NRXN1: variants seen among roughly 807,000 people sequenced by gnomAD.
NRXN1 encodes the protein neurexin-1.
A neutral mutation model predicts 150.9 loss-of-function variants in NRXN1; 39 were observed. That is an observed-to-expected ratio of 0.26 (90% CI 0.20 to 0.34). NRXN1 has a LOEUF of 0.34. Ranked by LOEUF, NRXN1 falls within the 10% of genes least tolerant of loss-of-function variation. The pLI, the probability that NRXN1 is intolerant of heterozygous loss-of-function variation, is 1.00. For missense variants in NRXN1, 1,815 were observed against 1,949.9 expected, an observed-to-expected ratio of 0.93 and a Z score of 1.30; for synonymous variants, 924 against 757.0, an observed-to-expected ratio of 1.22 and a Z score of -3.62.
chr2:49,926,275 T>C (rs1437412502), intron 22 of NRXN1: 4 of 398,240 alleles, frequency 1.0e-5, no homozygotes, highest in East Asian at 7.1e-5. Context: ...CTTGCACTTA[T>C]AAAGCATGTT....
chr2:50,858,166 A>C (rs962178882), intron 5 of NRXN1, among the ~76,000 whole-genome samples: 1 of 152,066 alleles, frequency 6.6e-6, no homozygotes, highest in African/African-American at 2.4e-5. Flanking sequence ...AAATCTCAAC[A>C]GGCTGGTTGA....
intron 11 of NRXN1, among the ~76,000 whole-genome samples, chr2:50,529,440 T>C (rs1158386536): frequency 1.3e-5 from 2 of 152,234 alleles, no homozygotes; most frequent in African/African-American, 4.8e-5. Flanking sequence ...GTAGCTACTA[T>C]AAGAACAGAA....
intron 5 of NRXN1, among the ~76,000 whole-genome samples, chr2:50,774,362 G>C (rs1023319055): frequency 2.0e-5 from 3 of 152,042 alleles, no homozygotes; most frequent in African/African-American, 7.2e-5. Context: ...GTTGATTTGA[G>C]GGCATTTAGT....
chr2:51,008,725 A>G (rs983198732), intron 2 of NRXN1, among the ~76,000 whole-genome samples: 1 of 151,582 alleles, frequency 6.6e-6, no homozygotes, highest in Non-Finnish European at 1.5e-5. Flanking sequence ...AGCTCTTTGT[A>G]AATATATATA....
intron 5 of NRXN1, among the ~76,000 whole-genome samples, chr2:50,891,181 T>C (rs765645034): frequency 2.0e-5 from 3 of 152,034 alleles, no homozygotes; most frequent in Non-Finnish European, 4.4e-5. Flanking sequence ...TATGCTTCTG[T>C]CTTTCAATAG....
intron 5 of NRXN1, among the ~76,000 whole-genome samples, chr2:50,904,663 C>T (rs1218028263): frequency 2.0e-5 from 3 of 152,068 alleles, no homozygotes; most frequent in Admixed American, 6.6e-5. Context: ...AATGATCAGA[C>T]CTTTCTTTTT....
intron 2 of NRXN1, chr2:51,026,302 G>T: frequency 2.0e-6 from 2 of 996,126 alleles, no homozygotes; most frequent in Non-Finnish European, 3.1e-6. Flanking sequence ...TGACCCATAA[G>T]CTATCTACTT....
intron 2 of NRXN1, among the ~76,000 whole-genome samples, chr2:50,937,614 T>C (rs1351750006): frequency 2.6e-5 from 4 of 152,128 alleles, no homozygotes; most frequent in Non-Finnish European, 5.9e-5. Context: ...ATTTCCAAAC[T>C]TTCTCCATCG....
chr2:50,383,321 C>T (rs1234651897), intron 17 of NRXN1, among the ~76,000 whole-genome samples: 7 of 152,016 alleles, frequency 4.6e-5, no homozygotes, highest in Non-Finnish European at 4.4e-5. Flanking sequence ...TCAGATTCAC[C>T]ATCATCAGTT....
chr2:50,533,542 C>T (rs1335617448), intron 10 of NRXN1, among the ~76,000 whole-genome samples: 1 of 152,126 alleles, frequency 6.6e-6, no homozygotes, highest in Non-Finnish European at 1.5e-5. Context: ...AATTCCAATC[C>T]ACATTCTGAA....
At chr2:50,603,606 A>C (rs1676623103) in intron 8 of NRXN1, among the ~76,000 whole-genome samples, 1 of 152,164 alleles carries the variant, frequency 6.6e-6, no homozygotes, top group Non-Finnish European at 1.5e-5. Flanking sequence ...GGAATAACTA[A>C]GGTCACTTAG....
In NRXN1 at chr2:50,745,587, C is replaced by A. The variant is rs142981411; in HGVS notation, c.833-121972G>T. Among the ~76,000 whole-genome samples, 668 of 152,104 alleles carry A rather than the reference C, an allele frequency of 4.4e-3. 5 individuals are homozygous for A. The highest frequency in any genetic ancestry group is 0.015 in the African/African-American group (641 of 41,486). On this transcript the variant is annotated intron_variant, in intron 5 of 22. Transcript: ENST00000401669. ...CCCATGCTGCTGATAAAGACATAAG[C>A]AAGACTGGGTAATTTATAAAGGAAA... is the stretch of plus-strand genomic sequence containing the variant.
intron 21 of NRXN1, among the ~76,000 whole-genome samples, chr2:49,958,788 G>A (rs1186056345): frequency 3.9e-5 from 6 of 152,156 alleles, no homozygotes; most frequent in Non-Finnish European, 8.8e-5. Context: ...TTTAGTCTAT[G>A]AAAGCTCAAT....
At chr2:50,334,047 C>T (rs1308543807) in intron 17 of NRXN1, among the ~76,000 whole-genome samples, 2 of 151,332 alleles carry the variant, frequency 1.3e-5, no homozygotes, top group Non-Finnish European at 2.9e-5. Context: ...AGCTTTTTGC[C>T]TGTGTGTGTG....
chr2:50,497,774 G>A, intron 13 of NRXN1, 60 bp from the exon 14 acceptor site: 2 of 1,476,758 alleles, frequency 1.4e-6, no homozygotes, highest in Non-Finnish European at 1.8e-6. Context: ...TCAACTTTAG[G>A]CTTTCATAAC....
chr2:50,567,350 C>G lies in NRXN1; in HGVS notation c.1321-14325G>C, dbSNP rs536254746. On this transcript the variant is annotated intron_variant, in intron 8 of 22. Coordinates refer to ENST00000401669, the MANE Select transcript of NRXN1 (RefSeq NM_001330078.2). Reference sequence around the variant, plus strand: ...CAATAAGAGAAGAGAGATGTACTAACCACACGTAGACTGGGACCATTTTTT... The same window carrying G: ...CAATAAGAGAAGAGAGATGTACTAAGCACACGTAGACTGGGACCATTTTTT... 3.3e-5 allele frequency among the ~76,000 whole-genome samples: 5 copies of G among 152,176 alleles called. No homozygotes were observed. In the East Asian group the frequency reaches 7.7e-4, roughly 24 times the overall value.
At chr2:50,475,428 G>C (rs376472648) in intron 15 of NRXN1, among the ~76,000 whole-genome samples, 45 of 151,992 alleles carry the variant, frequency 3.0e-4, no homozygotes, top group African/African-American at 1.1e-3. Flanking sequence ...CAACACATGA[G>C]GAGAGTGCTA....
intron 2 of NRXN1, among the ~76,000 whole-genome samples, chr2:50,983,217 A>G (rs1697123037): frequency 6.6e-6 from 1 of 152,050 alleles, no homozygotes; most frequent in South Asian, 2.1e-4. Flanking sequence ...TCTTAATTGT[A>G]TATCTCTAAG....
At chr2:50,376,968 T>C (rs1313056272) in intron 17 of NRXN1, among the ~76,000 whole-genome samples, 1 of 152,028 alleles carries the variant, frequency 6.6e-6, no homozygotes, top group Admixed American at 6.6e-5. Context: ...TTTTCTTTTT[T>C]TTTTTAAATG....
Sources: gnomAD v4.1 joint callset for allele counts (sites outside exome capture counted in the v4.1 genomes callset) on GRCh38, gnomAD v4.1.1 for gene constraint, MANE v1.5 for transcripts, NCBI Gene and HGNC (gene_info 2026-07-23, HGNC 2026-07-21) for gene names.